The following PCDHGA10 variants were observed in gnomAD, a reference collection of about 807,000 sequenced individuals.
PCDHGA10 encodes protocadherin gamma-A10.
A neutral mutation model predicts 59.5 loss-of-function variants in PCDHGA10; 42 were observed. The observed-to-expected ratio is 0.71, with a 90% confidence interval of 0.55 to 0.91. The LOEUF (loss-of-function observed/expected upper bound fraction) is 0.91, where lower values mean the gene tolerates loss of function less well. Ranked by LOEUF, PCDHGA10 falls within the 40% of genes least tolerant of loss-of-function variation. PCDHGA10 has a pLI of 0.00. For synonymous variants in PCDHGA10, 511 were observed against 517.2 expected, an observed-to-expected ratio of 0.99 and a Z score of 0.16; for missense variants, 1,111 against 1,198.2, an observed-to-expected ratio of 0.93 and a Z score of 1.07.
At position 141,423,043 on chromosome 5, in the gene PCDHGA10, T is replaced by C. The variant is rs940921497; in HGVS notation, c.2436+7432T>C. 10 of 1,614,058 alleles carry C rather than the reference T, an allele frequency of 6.2e-6. No homozygotes were observed. The Admixed American group carries it at 1.5e-4, about 24-fold the overall frequency. ...AGATTCAGGCCAGAACGCCTGGCTG[T>C]CCTATCGCCTGCTTAAGGCCAGCGA... is the stretch of plus-strand genomic sequence containing the variant. On this transcript the variant is annotated intron_variant, in intron 1 of 3. Transcript: ENST00000398610.
chr5:141,434,566 G>A (rs1280487112), intron 1 of PCDHGA10, among the ~76,000 whole-genome samples: 1 of 152,196 alleles, frequency 6.6e-6, no homozygotes, highest in African/African-American at 2.4e-5. Flanking sequence ...TTAAGGACAT[G>A]CCCCTGCTGC....
In PCDHGA10 at chr5:141,489,116, C is replaced by A; in HGVS notation, c.2437-5691C>A. Reference sequence around the variant, plus strand: ...TAAGAACTGCTGCAAGCAGGCAAACCTCCGAGCAGTTTTTAAGAGGCTGGA... The same window carrying A: ...TAAGAACTGCTGCAAGCAGGCAAACATCCGAGCAGTTTTTAAGAGGCTGGA... On this transcript the variant is annotated intron_variant, in intron 1 of 3. Transcript: ENST00000398610. The surrounding 1 kb of genome is among the most constrained non-coding windows in gnomAD (Gnocchi z 4.5). 3.7e-6 allele frequency: 2 copies of A among 536,398 alleles called. No homozygotes were observed. The highest frequency in any genetic ancestry group is 6.2e-6 in the Non-Finnish European group (2 of 322,530). 33.2% of individuals were successfully genotyped at this position (536,398 alleles called of 1,614,324 possible).
Position 141,485,330 on chromosome 5 carries a change from C to T in PCDHGA10, c.2437-9477C>T. On this transcript the variant is annotated intron_variant, in intron 1 of 3. Transcript: ENST00000398610. This position sits in a 1 kb window ranked among gnomAD's most constrained non-coding sequence, Gnocchi z 5.7. ...TGTAGGGAATGTCGCTCAAGATTTC[C>T]TGCTGGATACGGACAGTCTGTCAGC... 6.2e-7 allele frequency: 1 copy of T among 1,614,164 alleles called. No individual in the cohort carries two copies. Among genetic ancestry groups the T allele is most frequent in the East Asian group, 2.2e-5 (1 of 44,862 alleles).
Position 141,476,966 on chromosome 5 carries a change from G to T in PCDHGA10, c.2437-17841G>T, listed in dbSNP as rs780645226. The T allele has an allele frequency of 6.2e-7, 1 of 1,614,152 alleles. No homozygotes were observed. Among genetic ancestry groups the T allele is most frequent in the Admixed American group, 1.7e-5 (1 of 60,032 alleles). On this transcript the variant is annotated intron_variant, in intron 1 of 3. Coordinates refer to ENST00000398610, the MANE Select transcript of PCDHGA10 (RefSeq NM_018913.3). The surrounding 1 kb of genome is among the most constrained non-coding windows in gnomAD (Gnocchi z 7.6). Reference sequence around the variant, plus strand: ...CAACGGTGAAATTATTTACTCCTTCGGCAGCCACAACCGCGCCGGCGTGCG... The same window carrying T: ...CAACGGTGAAATTATTTACTCCTTCTGCAGCCACAACCGCGCCGGCGTGCG...
chr5:141,467,015 T>C (rs1423064392), intron 1 of PCDHGA10, among the ~76,000 whole-genome samples: 1 of 152,072 alleles, frequency 6.6e-6, no homozygotes. Flanking sequence ...GCAATTTTTT[T>C]CCCTTTGTTT....
chr5:141,422,061 A>G (rs1215523341), intron 1 of PCDHGA10: 3 of 1,612,074 alleles, frequency 1.9e-6, no homozygotes, highest in Non-Finnish European at 2.5e-6. Flanking sequence ...ACGGGGAAGT[A>G]ATGTATTCAT....
At chr5:141,482,513 A>C (rs552094845) in intron 1 of PCDHGA10, among the ~76,000 whole-genome samples, 1 of 143,798 alleles carries the variant, frequency 7.0e-6, no homozygotes, top group East Asian at 2.1e-4. Flanking sequence ...CCCAGAGTAC[A>C]GTATGAGACA....
chr5:141,427,822 T>C (rs1446832816), intron 1 of PCDHGA10: 1 of 1,534,220 alleles, frequency 6.5e-7, no homozygotes, highest in Non-Finnish European at 8.9e-7. Flanking sequence ...GGGGTGGTGG[T>C]CGCGCAGCGT....
chr5:141,424,401 G>A (rs1167861346), intron 1 of PCDHGA10: 1 of 151,844 alleles, frequency 6.6e-6, no homozygotes, highest in Non-Finnish European at 1.5e-5. Flanking sequence ...CCATTACTAT[G>A]GTGAAGTTAC....
At chr5:141,484,478 A>G (rs2099596967) in intron 1 of PCDHGA10, among the ~76,000 whole-genome samples, 1 of 152,244 alleles carries the variant, frequency 6.6e-6, no homozygotes, top group Admixed American at 6.5e-5. Context: ...CTTTTCTGCA[A>G]AGAGATGGAT....
intron 1 of PCDHGA10, among the ~76,000 whole-genome samples, chr5:141,481,031 C>G (rs926205148): frequency 1.3e-5 from 2 of 152,108 alleles, no homozygotes; most frequent in Non-Finnish European, 2.9e-5. Flanking sequence ...GCACTCCAGC[C>G]TGGGCGACAG....
rs2099634686 is a variant in PCDHGA10 at position 141,486,772 on chromosome 5, T to G, written c.2437-8035T>G. 1 of 1,614,246 alleles carries G rather than the reference T, an allele frequency of 6.2e-7. No individual in the cohort carries two copies. The highest frequency in any genetic ancestry group is 8.5e-7 in the Non-Finnish European group (1 of 1,180,042). Reference sequence around the variant, plus strand: ...ATGAGCAAACCCAGACACTGCAGTTTGAGGTGCAGGCCCGGGATCGGGGCA... The same window carrying G: ...ATGAGCAAACCCAGACACTGCAGTTGGAGGTGCAGGCCCGGGATCGGGGCA... On this transcript the variant is annotated intron_variant, in intron 1 of 3. Coordinates refer to ENST00000398610, the MANE Select transcript of PCDHGA10 (RefSeq NM_018913.3). This position sits in a 1 kb window ranked among gnomAD's most constrained non-coding sequence, Gnocchi z 5.0.
intron 2 of PCDHGA10, among the ~76,000 whole-genome samples, chr5:141,497,219 A>G (rs974609491): frequency 6.7e-6 from 1 of 149,602 alleles, no homozygotes; most frequent in South Asian, 2.1e-4. Context: ...TGGGGGGGGG[A>G]AGATCAGAGA....
rs1333419586 is a variant in PCDHGA10 at position 141,485,206 on chromosome 5, C to T, written c.2437-9601C>T. 1 of 1,614,116 alleles carries T rather than the reference C, an allele frequency of 6.2e-7. No individual in the cohort carries two copies. The highest frequency in any genetic ancestry group is 8.5e-7 in the Non-Finnish European group (1 of 1,179,946). ...GCAAGGTGAGAAGCTGGACAGAAAT[C>T]TGGCGGTGGGCTACCCTTTTGTTCC... On this transcript the variant is annotated intron_variant, in intron 1 of 3. Coordinates refer to ENST00000398610, the MANE Select transcript of PCDHGA10 (RefSeq NM_018913.3). The surrounding 1 kb of genome is among the most constrained non-coding windows in gnomAD (Gnocchi z 5.7).
intron 1 of PCDHGA10, among the ~76,000 whole-genome samples, chr5:141,455,913 T>C (rs2098837234): frequency 7.2e-6 from 1 of 138,032 alleles, no homozygotes; most frequent in African/African-American, 2.7e-5. Context: ...ATTTATTTAT[T>C]TTGAGACGGA....
At chr5:141,478,498 G>A in intron 1 of PCDHGA10, 8 of 1,612,712 alleles carry the variant, frequency 5.0e-6, no homozygotes, top group South Asian at 1.1e-5. Context: ...GCTGTGATCC[G>A]GTGTTCTATA....
chr5:141,479,801 G>A (rs2099507037), intron 1 of PCDHGA10, among the ~76,000 whole-genome samples: 1 of 152,118 alleles, frequency 6.6e-6, no homozygotes, highest in Non-Finnish European at 1.5e-5. Flanking sequence ...AATTCAGGGT[G>A]GTATGCAAGG....
rs943867570 is a variant in PCDHGA10 at position 141,493,651 on chromosome 5, T to C, written c.2437-1156T>C. On this transcript the variant is annotated intron_variant, in intron 1 of 3. Coordinates refer to ENST00000398610, the MANE Select transcript of PCDHGA10 (RefSeq NM_018913.3). The surrounding 1 kb of genome is among the most constrained non-coding windows in gnomAD (Gnocchi z 4.3). ...AGTGGCTGAGGGCTGGCCATCCCTGTGCCCTTCTCCATGGCAGCCCCAGAA... is the reference window on the plus strand; with the variant it reads ...AGTGGCTGAGGGCTGGCCATCCCTGCGCCCTTCTCCATGGCAGCCCCAGAA... Among the ~76,000 whole-genome samples, 1 of 152,204 alleles carries C rather than the reference T, an allele frequency of 6.6e-6. No individual in the cohort carries two copies. The highest frequency in any genetic ancestry group is 1.5e-5 in the Non-Finnish European group (1 of 68,030).
Position 141,431,953 on chromosome 5 carries a change from C to G in PCDHGA10, c.2436+16342C>G. 1.2e-6 allele frequency: 2 copies of G among 1,614,082 alleles called. No individual in the cohort carries two copies. Among genetic ancestry groups the G allele is most frequent in the East Asian group, 4.5e-5 (2 of 44,886 alleles). ...TGCCCTTTAAATTAGAAAAATCTTA[C>G]GGAAATTACTATAGTTTAGTCACAG... On this transcript the variant is annotated intron_variant, in intron 1 of 3. Transcript: ENST00000398610. The surrounding 1 kb of genome is among the most constrained non-coding windows in gnomAD (Gnocchi z 4.8).
Sources: allele counts gnomAD v4.1 joint callset (sites outside exome capture counted in the v4.1 genomes callset), GRCh38; gene constraint gnomAD v4.1.1; non-coding constraint Gnocchi (gnomAD v3.1); transcripts MANE v1.5; gene names NCBI Gene and HGNC (gene_info 2026-07-23, HGNC 2026-07-21).